FOXP1: variants seen among roughly 807,000 people sequenced by gnomAD.
FOXP1 encodes the protein forkhead box protein P1.
In FOXP1, 15 loss-of-function variants were observed where a neutral mutation model predicts 98.2. That is an observed-to-expected ratio of 0.15 (90% CI 0.10 to 0.24). The LOEUF (loss-of-function observed/expected upper bound fraction) is 0.24. Among genes scored for constraint, FOXP1 ranks in the 10% least tolerant of loss-of-function variants. The pLI is 1.00. For synonymous variants in FOXP1, 371 were observed against 314.5 expected, an observed-to-expected ratio of 1.18 and a Z score of -1.90; for missense variants, 633 against 848.5, an observed-to-expected ratio of 0.75 and a Z score of 3.15.
At chr3:71,469,240 G>T (rs1577682611) in intron 3 of FOXP1, among the ~76,000 whole-genome samples, 1 of 152,236 alleles carries the variant, frequency 6.6e-6, no homozygotes, top group East Asian at 1.9e-4. Context: ...TGCATTTGTG[G>T]ATACAGCTCC....
At chr3:71,485,088 T>A (rs2090551540) in intron 3 of FOXP1, among the ~76,000 whole-genome samples, 1 of 152,142 alleles carries the variant, frequency 6.6e-6, no homozygotes, top group Non-Finnish European at 1.5e-5. Context: ...GAGGTCAGCA[T>A]CTCCTTGCCC....
chr3:71,159,819 G>C (rs965242538), intron 6 of FOXP1, among the ~76,000 whole-genome samples: 1 of 152,078 alleles, frequency 6.6e-6, no homozygotes, highest in African/African-American at 2.4e-5. Context: ...CAATAAAATG[G>C]ATGCAACTTT....
intron 6 of FOXP1, among the ~76,000 whole-genome samples, chr3:71,138,633 T>G (rs915215770): frequency 6.6e-6 from 1 of 152,140 alleles, no homozygotes; most frequent in African/African-American, 2.4e-5. Context: ...GATACAAATA[T>G]ACCACACTTC....
intron 12 of FOXP1, among the ~76,000 whole-genome samples, chr3:71,015,266 A>G (rs765862203): frequency 1.3e-5 from 2 of 152,320 alleles, no homozygotes; most frequent in Admixed American, 6.5e-5. Flanking sequence ...CAAGTTTAAT[A>G]CTGGAATCGT....
chr3:71,260,667 C>G (rs563227012), intron 5 of FOXP1, among the ~76,000 whole-genome samples: 1 of 151,834 alleles, frequency 6.6e-6, no homozygotes, highest in Non-Finnish European at 1.5e-5. Flanking sequence ...CCCAGCCTTC[C>G]AAGTAGCTGA....
chr3:71,182,498 A>ATGTGTGTG (rs201607064), intron 6 of FOXP1, among the ~76,000 whole-genome samples: 6 of 120,028 alleles, frequency 5.0e-5, no homozygotes, highest in East Asian at 2.2e-4. Context: ...TGTAAACTAT[A>ATGTGTGTG]TATATGTGTG....
chr3:70,954,778 C>T lies in FOXP1; in HGVS notation c.*4469G>A. ...ATGCTTATAATGTCAGTAATTAGTA[C>T]TGACTACACAACATTTTTTTTATTG... On this transcript the variant is annotated 3_prime_UTR_variant, in exon 21 of 21. Coordinates refer to ENST00000649528, the MANE Select transcript of FOXP1 (RefSeq NM_001349338.3). 2 of 231,052 alleles carry T rather than the reference C, an allele frequency of 8.7e-6. No individual in the cohort carries two copies. Among genetic ancestry groups the T allele is most frequent in the Non-Finnish European group, 1.7e-5 (2 of 116,686 alleles). 14.3% of individuals were successfully genotyped at this position (231,052 alleles called of 1,614,324 possible). A position where few individuals can be genotyped will look rare whatever the true frequency, so the allele number is the denominator to read the frequency against.
At chr3:71,149,194 A>G (rs1394051706) in intron 6 of FOXP1, among the ~76,000 whole-genome samples, 5 of 152,222 alleles carry the variant, frequency 3.3e-5, no homozygotes, top group Non-Finnish European at 5.9e-5. Flanking sequence ...AAGTAAAGCA[A>G]TAACAGGCAG....
At position 71,198,109 on chromosome 3, in the gene FOXP1, A is replaced by C. The variant is rs1317798501; in HGVS notation, c.180+93T>G. 1.9e-6 allele frequency: 3 copies of C among 1,613,740 alleles called. No homozygotes were observed. The Admixed American group carries it at 5.0e-5, about 27-fold the overall frequency. ...ACAGATGGACAGACAGGTGAACACA[A>C]AACACTGATCGCGAGATCGCGATTA... On this transcript the variant is annotated intron_variant, in intron 6 of 20. Coordinates refer to ENST00000649528, the MANE Select transcript of FOXP1 (RefSeq NM_001349338.3).
At chr3:71,173,498 A>G (rs1247669213) in intron 6 of FOXP1, among the ~76,000 whole-genome samples, 3 of 152,110 alleles carry the variant, frequency 2.0e-5, no homozygotes, top group Non-Finnish European at 2.9e-5. Flanking sequence ...GCAACATATT[A>G]GCTGTCATAC....
intron 5 of FOXP1, chr3:71,289,845 G>A (rs2072559721): frequency 6.6e-6 from 1 of 151,740 alleles, no homozygotes; most frequent in African/African-American, 2.4e-5. Flanking sequence ...AGAGATAAGA[G>A]TCTCACTATG....
chr3:71,032,155 T>C (rs192108482), intron 11 of FOXP1, among the ~76,000 whole-genome samples: 2 of 152,336 alleles, frequency 1.3e-5, no homozygotes, highest in East Asian at 3.9e-4. Flanking sequence ...CCCCGATGCC[T>C]TCCTGTGAAT....
intron 2 of FOXP1, among the ~76,000 whole-genome samples, chr3:71,557,623 GT>G (rs1217024372): frequency 1.3e-5 from 2 of 152,220 alleles, no homozygotes; most frequent in Non-Finnish European, 2.9e-5. Context: ...TCACGGAAGA[GT>G]GAGGTGAGGT....
intron 7 of FOXP1, among the ~76,000 whole-genome samples, chr3:71,061,640 CCTT>C (rs1053111117): frequency 5.3e-5 from 8 of 152,140 alleles, no homozygotes; most frequent in Non-Finnish European, 7.4e-5. Context: ...TTTACTCTAA[CCTT>C]CTCGATCAAC....
At chr3:71,371,057 A>G (rs2107982168) in intron 3 of FOXP1, among the ~76,000 whole-genome samples, 1 of 152,218 alleles carries the variant, frequency 6.6e-6, no homozygotes, top group East Asian at 1.9e-4. Context: ...TGCCAGGATT[A>G]CAGGCGTGAA....
intron 3 of FOXP1, among the ~76,000 whole-genome samples, chr3:71,460,916 TGTCTGATG>T (rs2088025456): frequency 6.6e-6 from 1 of 152,220 alleles, no homozygotes; most frequent in Non-Finnish European, 1.5e-5. Context: ...TTCTTAGAAC[TGTCTGATG>T]GTGGTGCCTT....
intron 3 of FOXP1, among the ~76,000 whole-genome samples, chr3:71,454,802 A>C (rs545155015): frequency 4.0e-5 from 4 of 99,144 alleles, no homozygotes; most frequent in South Asian, 2.8e-4. Flanking sequence ...TTTAAAAAAA[A>C]AAACAAAAAA....
chr3:71,538,242 G>A (rs986230998), intron 2 of FOXP1, among the ~76,000 whole-genome samples: 1 of 152,090 alleles, frequency 6.6e-6, no homozygotes, highest in Non-Finnish European at 1.5e-5. Flanking sequence ...TATATTCAAC[G>A]GTTGTGAAAC....
intron 6 of FOXP1, among the ~76,000 whole-genome samples, chr3:71,176,151 T>C (rs957452154): frequency 1.3e-5 from 2 of 152,188 alleles, no homozygotes; most frequent in African/African-American, 2.4e-5. Flanking sequence ...GCCTGTTACA[T>C]AATCCTAAGA....
Sources: allele counts gnomAD v4.1 joint callset (sites outside exome capture counted in the v4.1 genomes callset), GRCh38; gene constraint gnomAD v4.1.1; transcripts MANE v1.5; gene names NCBI Gene and HGNC (gene_info 2026-07-23, HGNC 2026-07-21).